Variants in NUBPL observed in about 807,000 individuals in gnomAD.
NUBPL encodes NUBP iron-sulfur cluster assembly factor, mitochondrial, also known as iron-sulfur cluster transfer protein NUBPL.
A neutral mutation model predicts 45.7 loss-of-function variants in NUBPL; 31 were observed. The ratio of observed to expected loss-of-function variants is 0.68; its 90% CI spans 0.51 to 0.92. NUBPL has a LOEUF of 0.92. NUBPL is among the 40% of genes least tolerant of loss of function. NUBPL has a pLI of 0.00. For missense variants in NUBPL, 401 were observed against 398.7 expected (o/e 1.01, Z -0.05); for synonymous variants, 144 against 140.9 (o/e 1.02, Z -0.15).
intron 4 of NUBPL, among the ~76,000 whole-genome samples, chr14:31,659,783 G>C (rs909782273): frequency 6.6e-6 from 1 of 152,136 alleles, no homozygotes; most frequent in Non-Finnish European, 1.5e-5. Context: ...TTCTCAATGT[G>C]ATCTACTTGA....
At chr14:31,821,019 A>T (rs757030879) in intron 7 of NUBPL, among the ~76,000 whole-genome samples, 42 of 152,014 alleles carry the variant, frequency 2.8e-4, no homozygotes, top group Admixed American at 8.5e-4. Context: ...GCTACTCTGG[A>T]GGCTGAGACA....
chr14:31,772,863 C>T (rs1012032642), intron 6 of NUBPL, among the ~76,000 whole-genome samples: 1 of 152,132 alleles, frequency 6.6e-6, no homozygotes, highest in African/African-American at 2.4e-5. Context: ...AAACAGCCTC[C>T]TCTCCCACAC....
At chr14:31,834,097 G>A (rs1252194847) in intron 8 of NUBPL, among the ~76,000 whole-genome samples, 1 of 150,986 alleles carries the variant, frequency 6.6e-6, no homozygotes, top group East Asian at 1.9e-4. Flanking sequence ...TTATAAAGGA[G>A]AGATAGAAAT....
At chr14:31,725,465 T>C (rs1418406434) in intron 6 of NUBPL, among the ~76,000 whole-genome samples, 1 of 152,204 alleles carries the variant, frequency 6.6e-6, no homozygotes, top group East Asian at 1.9e-4. Flanking sequence ...TACTTTCATA[T>C]ACATAATGAG....
At chr14:31,601,156 A>G (rs546816132) in intron 4 of NUBPL, among the ~76,000 whole-genome samples, 1 of 152,130 alleles carries the variant, frequency 6.6e-6, no homozygotes, top group Admixed American at 6.5e-5. Context: ...GGTTACTGTA[A>G]CCTTGCAGTA....
intron 4 of NUBPL, among the ~76,000 whole-genome samples, chr14:31,619,881 C>T (rs2035013296): frequency 6.6e-6 from 1 of 152,036 alleles, no homozygotes. Flanking sequence ...GAGTGTTTTC[C>T]AACTTGGTTC....
At chr14:31,640,428 T>C (rs369825840) in intron 4 of NUBPL, among the ~76,000 whole-genome samples, 1 of 151,954 alleles carries the variant, frequency 6.6e-6, no homozygotes, top group East Asian at 1.9e-4. Flanking sequence ...GGCAAAACCC[T>C]GTCTCTGCTA....
chr14:31,701,010 T>C (rs908068034), intron 6 of NUBPL, among the ~76,000 whole-genome samples: 8 of 152,220 alleles, frequency 5.3e-5, no homozygotes, highest in Non-Finnish European at 7.3e-5. Flanking sequence ...CCAGCTGGGC[T>C]CCTGAGCCGG....
chr14:31,765,700 AT>A (rs2038900504), intron 6 of NUBPL, among the ~76,000 whole-genome samples: 1 of 152,168 alleles, frequency 6.6e-6, no homozygotes, highest in African/African-American at 2.4e-5. Flanking sequence ...AGACTCAAAA[AT>A]ATCTAAATTA....
chr14:31,775,835 G>C (rs1447132253), intron 6 of NUBPL, among the ~76,000 whole-genome samples: 1 of 148,510 alleles, frequency 6.7e-6, no homozygotes, highest in African/African-American at 2.6e-5. Context: ...TTTTACCAAA[G>C]GTAGGGTTAC....
intron 4 of NUBPL, among the ~76,000 whole-genome samples, chr14:31,637,947 C>A (rs968226115): frequency 2.6e-5 from 4 of 152,102 alleles, no homozygotes; most frequent in Non-Finnish European, 5.9e-5. Flanking sequence ...CTTGGTAGAT[C>A]TTCCTCCATC....
intron 4 of NUBPL, among the ~76,000 whole-genome samples, chr14:31,662,471 G>GCC (rs149200864): frequency 6.6e-6 from 1 of 151,538 alleles, no homozygotes; most frequent in East Asian, 1.9e-4. Flanking sequence ...CCTTCCCTCT[G>GCC]CCCCCCACCC....
At chr14:31,662,771 C>T (rs985630598) in intron 4 of NUBPL, among the ~76,000 whole-genome samples, 14 of 152,188 alleles carry the variant, frequency 9.2e-5, no homozygotes, top group African/African-American at 3.4e-4. Context: ...AATAAATATC[C>T]ATGTGCATGT....
intron 4 of NUBPL, among the ~76,000 whole-genome samples, chr14:31,619,060 T>A (rs2034988847): frequency 2.6e-5 from 4 of 152,222 alleles, no homozygotes; most frequent in Admixed American, 2.0e-4. Context: ...TTTCTTTTGA[T>A]CTTTGTTGGT....
chr14:31,823,744 T>G (rs1441255099), intron 7 of NUBPL, among the ~76,000 whole-genome samples: 4 of 152,074 alleles, frequency 2.6e-5, no homozygotes, highest in Non-Finnish European at 2.9e-5. Context: ...TTGTTTGAAG[T>G]TAGTTATACA....
At chr14:31,759,799 A>G (rs957867631) in intron 6 of NUBPL, among the ~76,000 whole-genome samples, 1 of 150,880 alleles carries the variant, frequency 6.6e-6, no homozygotes, top group Non-Finnish European at 1.5e-5. Flanking sequence ...TCAGTATGGT[A>G]TTCAGTACAT....
At chr14:31,834,636 C>T (rs2138993497) in intron 8 of NUBPL, among the ~76,000 whole-genome samples, 2 of 152,296 alleles carry the variant, frequency 1.3e-5, no homozygotes, top group Middle Eastern at 3.4e-3. Flanking sequence ...TTATTTGTGA[C>T]TTTCCCCAGG....
intron 2 of NUBPL, 63 bp downstream of exon 2, chr14:31,562,278 A>G (rs1006051440): frequency 1.4e-5 from 20 of 1,411,126 alleles, no homozygotes; most frequent in Non-Finnish European, 2.0e-5. Context: ...AGTGCACACT[A>G]TTGAAATTAT....
intron 6 of NUBPL, among the ~76,000 whole-genome samples, chr14:31,754,801 A>C (rs2038618583): frequency 6.8e-6 from 1 of 146,710 alleles, no homozygotes; most frequent in Admixed American, 6.8e-5. Flanking sequence ...GCACCCATTA[A>C]CTCGTCATTT....
Sources: gnomAD v4.1 joint callset for allele counts (sites outside exome capture counted in the v4.1 genomes callset) on GRCh38, gnomAD v4.1.1 for gene constraint, MANE v1.5 for transcripts, NCBI Gene and HGNC (gene_info 2026-07-23, HGNC 2026-07-21) for gene names.